FARP1: variants seen among roughly 807,000 people sequenced by gnomAD.
FARP1 encodes the protein FERM, ARH/RhoGEF and pleckstrin domain protein 1, also known as FERM, ARHGEF and pleckstrin domain-containing protein 1.
A neutral mutation model predicts 128.8 loss-of-function variants in FARP1; 52 were observed. That is an observed-to-expected ratio of 0.40 (90% confidence interval 0.32 to 0.51). The LOEUF is 0.51. Ranked by LOEUF, FARP1 falls within the 20% of genes least tolerant of loss-of-function variation. The pLI is 0.45. For missense variants in FARP1, 1,333 were observed against 1,367.9 expected, an observed-to-expected ratio of 0.97 and a Z score of 0.40; for synonymous variants, 580 against 551.8, an observed-to-expected ratio of 1.05 and a Z score of -0.72.
chr13:98,365,543 C>A, intron 4 of FARP1, 106 bp downstream of exon 4: 2 of 715,886 alleles, frequency 2.8e-6, no homozygotes, highest in Admixed American at 2.4e-5. Flanking sequence ...AACACAAATT[C>A]TTCTACCCCA....
At chr13:98,185,789 C>CT (rs1878824674) in intron 1 of FARP1, among the ~76,000 whole-genome samples, 1 of 152,064 alleles carries the variant, frequency 6.6e-6, no homozygotes, top group African/African-American at 2.4e-5. Context: ...CCTCCGCCTC[C>CT]TGGGTTCAAG....
At chr13:98,291,489 T>C (rs1276826247) in intron 2 of FARP1, among the ~76,000 whole-genome samples, 2 of 152,182 alleles carry the variant, frequency 1.3e-5, no homozygotes, top group Non-Finnish European at 2.9e-5. Context: ...GGCCTTTGCT[T>C]TCCATCGTGG....
intron 2 of FARP1, among the ~76,000 whole-genome samples, chr13:98,324,632 A>T (rs1177899782): frequency 6.6e-6 from 1 of 152,156 alleles, no homozygotes; most frequent in Admixed American, 6.5e-5. Flanking sequence ...TCACTGGTCT[A>T]TTTTCTGTGA....
At chr13:98,236,637 A>G (rs1201891102) in intron 2 of FARP1, among the ~76,000 whole-genome samples, 3 of 152,222 alleles carry the variant, frequency 2.0e-5, no homozygotes, top group African/African-American at 7.2e-5. Flanking sequence ...TATATAAAAT[A>G]TATGTTGGTA....
chr13:98,424,619 A>G lies in FARP1; in HGVS notation c.1874A>G (p.Asp625Gly), dbSNP rs1158986522. The G allele has an allele frequency of 6.2e-7, 1 of 1,614,002 alleles. No homozygotes were observed. Among genetic ancestry groups the G allele is most frequent in the South Asian group, 1.1e-5 (1 of 91,082 alleles). The change falls in exon 17 of 27, where the codon GAT (aspartate) becomes GGT (glycine). Residue 625 changes from aspartate to glycine, a missense_variant. Around this residue, in one of 2 missense-constraint regions of FARP1, gnomAD observed 1,009 missense variants for 969.8 expected, o/e 1.04. Coordinates refer to ENST00000319562, the MANE Select transcript of FARP1 (RefSeq NM_005766.4). ...AQIRDYQRIG[D>G]VMLKNIQGMK... ...ATCAGAGATTACCAAAGAATCGGCGATGTCATGCTGAAGAACATTCAGGGC... is the reference window on the plus strand; with the variant it reads ...ATCAGAGATTACCAAAGAATCGGCGGTGTCATGCTGAAGAACATTCAGGGC...
intron 2 of FARP1, among the ~76,000 whole-genome samples, chr13:98,295,800 G>C (rs1005840344): frequency 6.6e-6 from 1 of 152,156 alleles, no homozygotes; most frequent in East Asian, 1.9e-4. Flanking sequence ...TTTCTGCAAC[G>C]ATAAAGAATT....
At chr13:98,244,704 T>C in intron 2 of FARP1, 2 of 1,613,430 alleles carry the variant, frequency 1.2e-6, no homozygotes, top group Non-Finnish European at 1.7e-6. Flanking sequence ...TCTTAATCTT[T>C]TTTGAGTCAG....
In FARP1 at chr13:98,395,463, G is replaced by A. The variant is rs1373064498; in HGVS notation, c.1401G>A (p.Pro467=). 1.3e-6 allele frequency: 2 copies of A among 1,587,886 alleles called. No individual in the cohort carries two copies. The highest frequency in any genetic ancestry group is 2.3e-5 in the East Asian group (1 of 44,056). ...DRTQQSKPQP[P]QPSTGSLTGS... Reference sequence around the variant, plus strand: ...CCCAGCAGAGTAAACCTCAGCCCCCGCAGCCAAGCACAGGTCCAGCATCCC... The same window carrying A: ...CCCAGCAGAGTAAACCTCAGCCCCCACAGCCAAGCACAGGTCCAGCATCCC... Residue 467 remains proline (P), a synonymous_variant, in exon 13 of 27, where the codon CCG becomes CCA. Transcript: ENST00000319562.
chr13:98,149,253 C>T (rs1875797139), intron 1 of FARP1, among the ~76,000 whole-genome samples: 1 of 152,124 alleles, frequency 6.6e-6, no homozygotes, highest in Non-Finnish European at 1.5e-5. Flanking sequence ...TGTTCCTCTT[C>T]CCTGCTCCCT....
In FARP1 at chr13:98,446,833, C is replaced by T; in HGVS notation, c.3056+16C>T. 1.2e-6 allele frequency: 2 copies of T among 1,613,706 alleles called. No homozygotes were observed. Among genetic ancestry groups the T allele is most frequent in the Non-Finnish European group, 1.7e-6 (2 of 1,179,750 alleles). On this transcript the variant is annotated intron_variant, in intron 26 of 26. Coordinates refer to ENST00000319562, the MANE Select transcript of FARP1 (RefSeq NM_005766.4). ...CGTTCGAAAGGTAGACACCCCCTTC[C>T]CACGCACAGGGCCCTGCAGAAGAGG...
rs188084229 is a variant in FARP1 at position 98,411,841 on chromosome 13, A to G, written c.1693-60A>G. ...TTGGCTGCATGTGACTTCTGGAGAA[A>G]ACTGCAGACACTCGTCATTGATCTT... On this transcript the variant is annotated intron_variant, in intron 15 of 26. Coordinates refer to ENST00000319562, the MANE Select transcript of FARP1 (RefSeq NM_005766.4). 4.8e-4 allele frequency: 762 copies of G among 1,579,858 alleles called. 6 individuals carry two copies. The African/African-American group carries it at 9.0e-3, about 19-fold the overall frequency.
At chr13:98,386,884 G>A (rs553118865) in intron 8 of FARP1, among the ~76,000 whole-genome samples, 1 of 152,324 alleles carries the variant, frequency 6.6e-6, no homozygotes, top group East Asian at 1.9e-4. Context: ...CACATCCCAA[G>A]AAGAGTTAAG....
At chr13:98,283,799 G>C (rs1330085782) in intron 2 of FARP1, among the ~76,000 whole-genome samples, 1 of 152,116 alleles carries the variant, frequency 6.6e-6, no homozygotes, top group Non-Finnish European at 1.5e-5. Context: ...ACAAATATGG[G>C]TATTTGCTGA....
At chr13:98,256,868 G>GT (rs61649881) in intron 2 of FARP1, among the ~76,000 whole-genome samples, 1,244 of 113,068 alleles carry the variant, frequency 0.011, 34 homozygotes, top group African/African-American at 0.035. Context: ...CCTTACTACA[G>GT]TTTTTTTTTT....
At chr13:98,317,309 GGGTGCAGT>G (rs1364140812) in intron 2 of FARP1, among the ~76,000 whole-genome samples, 1 of 152,106 alleles carries the variant, frequency 6.6e-6, no homozygotes, top group African/African-American at 2.4e-5. Flanking sequence ...ACCCAGGCTG[GGGTGCAGT>G]GGTACGATCA....
chr13:98,209,490 T>C (rs1324900744), intron 1 of FARP1, among the ~76,000 whole-genome samples: 1 of 148,358 alleles, frequency 6.7e-6, no homozygotes, highest in African/African-American at 2.5e-5. Context: ...TTTTTTTTTT[T>C]TTTTTTAAGG....
At chr13:98,339,369 T>C (rs1192674189) in intron 2 of FARP1, among the ~76,000 whole-genome samples, 2 of 152,086 alleles carry the variant, frequency 1.3e-5, no homozygotes, top group Non-Finnish European at 2.9e-5. Context: ...TCATGAGAAC[T>C]CCTCATTATC....
At chr13:98,421,906 G>A (rs1891608968) in intron 16 of FARP1, among the ~76,000 whole-genome samples, 1 of 152,092 alleles carries the variant, frequency 6.6e-6, no homozygotes, top group Admixed American at 6.5e-5. Flanking sequence ...TTTGGTGTTG[G>A]AAATAAGATC....
intron 2 of FARP1, among the ~76,000 whole-genome samples, chr13:98,300,743 G>T (rs1885891155): frequency 6.6e-6 from 1 of 152,130 alleles, no homozygotes; most frequent in East Asian, 1.9e-4. Context: ...ACCAAATGAT[G>T]GTTTCAAATA....
Sources: allele counts gnomAD v4.1 joint callset (sites outside exome capture counted in the v4.1 genomes callset), GRCh38; gene constraint gnomAD v4.1.1; regional missense constraint gnomAD v4.1.1; transcripts MANE v1.5; gene names NCBI Gene and HGNC (gene_info 2026-07-23, HGNC 2026-07-21).